AHCTF1: variants seen among roughly 807,000 people sequenced by gnomAD.
AHCTF1 encodes AT-hook containing transcription factor 1.
In AHCTF1, 24 loss-of-function variants were observed where a neutral mutation model predicts 248.4. The observed-to-expected ratio is 0.10, with a 90% confidence interval of 0.07 to 0.14. The LOEUF (loss-of-function observed/expected upper bound fraction) is 0.14, where lower values mean the gene tolerates loss of function less well. Ranked by LOEUF, AHCTF1 falls within the 10% of genes least tolerant of loss-of-function variation. The probability of loss-of-function intolerance (pLI) is 1.00; values close to 1 mark genes in which losing one functional copy is unlikely to be tolerated. For synonymous variants in AHCTF1, 786 were observed against 929.8 expected, an observed-to-expected ratio of 0.85 and a Z score of 2.81; for missense variants, 2,206 against 2,636.2, an observed-to-expected ratio of 0.84 and a Z score of 3.57.
rs562870666 is a variant in AHCTF1, at chr1:246,929,417, A to T, written c.-8+2161T>A. Among the ~76,000 whole-genome samples the T allele has an allele frequency of 2.6e-5, 4 of 151,630 alleles. No homozygotes were observed. In the South Asian group the frequency reaches 8.3e-4, roughly 32 times the overall value. On this transcript the variant is annotated intron_variant, in intron 1 of 35. Coordinates refer to ENST00000648844, the MANE Select transcript of AHCTF1 (RefSeq NM_001323342.2). ...AAGTGAGACTCCGTCTCAAAAAAATAAAAATAAAAATAAAAATACAGTGAA... is the reference window on the plus strand; with the variant it reads ...AAGTGAGACTCCGTCTCAAAAAAATTAAAATAAAAATAAAAATACAGTGAA...
At chr1:246,931,099 T>TC (rs1489081360) in intron 1 of AHCTF1, 2 of 1,547,166 alleles carry the variant, frequency 1.3e-6, no homozygotes, top group Admixed American at 4.0e-5. Context: ...GAGCCCCGAG[T>TC]CCAACTTCTT....
intron 33 of AHCTF1, among the ~76,000 whole-genome samples, chr1:246,849,349 A>G (rs1362227026): frequency 1.3e-5 from 2 of 152,360 alleles, no homozygotes; most frequent in Admixed American, 6.5e-5. Flanking sequence ...CTTATAATTT[A>G]TAAAACTCAC....
At chr1:246,909,443 G>A (rs1239293416) in intron 4 of AHCTF1, among the ~76,000 whole-genome samples, 2 of 149,420 alleles carry the variant, frequency 1.3e-5, no homozygotes, top group East Asian at 2.0e-4. Context: ...TGCTCTGAGT[G>A]GTATGATGAA....
intron 21 of AHCTF1, among the ~76,000 whole-genome samples, chr1:246,878,946 C>G (rs1663191958): frequency 6.6e-6 from 1 of 152,146 alleles, no homozygotes; most frequent in Non-Finnish European, 1.5e-5. Context: ...GAGTGTTCAT[C>G]TGCGTGTGTT....
intron 26 of AHCTF1, among the ~76,000 whole-genome samples, chr1:246,865,612 G>A (rs998085889): frequency 1.3e-5 from 2 of 152,132 alleles, no homozygotes; most frequent in African/African-American, 2.4e-5. Context: ...AAGGAACACT[G>A]TTAAATGTTT....
intron 8 of AHCTF1, among the ~76,000 whole-genome samples, chr1:246,902,171 A>C (rs1665047725): frequency 6.6e-6 from 1 of 152,206 alleles, no homozygotes; most frequent in Non-Finnish European, 1.5e-5. Flanking sequence ...ACACTAAAGA[A>C]GACAGAGAAA....
intron 24 of AHCTF1, among the ~76,000 whole-genome samples, chr1:246,870,084 G>C (rs776540344): frequency 3.0e-4 from 45 of 152,028 alleles, no homozygotes; most frequent in Non-Finnish European, 6.2e-4. Context: ...ACTTTTGAGG[G>C]CTTCAAGACT....
rs75217552 is a variant in AHCTF1, at chr1:246,920,164, A to G, written c.-7-1787T>C. On this transcript the variant is annotated intron_variant, in intron 1 of 35. Transcript: ENST00000648844. ...CCGCAAAAAAAAAAAAAAAAAAAAA[A>G]AAAAGAAAAGAAGCTCACAGTCCAA... Among the ~76,000 whole-genome samples the G allele has an allele frequency of 3.9e-3, 582 of 149,548 alleles. 9 individuals are homozygous for G. Among genetic ancestry groups the G allele is most frequent in the African/African-American group, 0.014 (545 of 40,316 alleles).
At chr1:246,867,440 T>C in intron 25 of AHCTF1, 89 bp from the exon 26 acceptor site, 2 of 1,036,148 alleles carry the variant, frequency 1.9e-6, no homozygotes, top group East Asian at 5.3e-5. Context: ...TTTTCATTCG[T>C]TTTACTTTGT....
At chr1:246,886,183 T>C (rs1287579802) in intron 20 of AHCTF1, among the ~76,000 whole-genome samples, 1 of 151,988 alleles carries the variant, frequency 6.6e-6, no homozygotes, top group Non-Finnish European at 1.5e-5. Flanking sequence ...ATGTAAAAAT[T>C]AGCCAGGTAG....
At chr1:246,882,936 C>G (rs1327065962) in intron 21 of AHCTF1, among the ~76,000 whole-genome samples, 1 of 152,206 alleles carries the variant, frequency 6.6e-6, no homozygotes, top group Non-Finnish European at 1.5e-5. Flanking sequence ...TGCCTTTGAT[C>G]CTATTTCACA....
chr1:246,901,744 G>C (rs1216856620), intron 8 of AHCTF1, among the ~76,000 whole-genome samples: 1 of 152,170 alleles, frequency 6.6e-6, no homozygotes, highest in Non-Finnish European at 1.5e-5. Flanking sequence ...GTTGAGCCCA[G>C]AAGGTCAAGG....
chr1:246,882,751 T>A (rs1212182137), intron 21 of AHCTF1, among the ~76,000 whole-genome samples: 1 of 152,220 alleles, frequency 6.6e-6, no homozygotes, highest in Non-Finnish European at 1.5e-5. Context: ...TATTTGTAAG[T>A]CTGTTGCTGT....
At chr1:246,888,128 T>C (rs1663958131) in intron 19 of AHCTF1, 49 bp downstream of exon 19, 1 of 1,583,834 alleles carries the variant, frequency 6.3e-7, no homozygotes. Flanking sequence ...TCTTGAAATT[T>C]TATAATTTTA....
At chr1:246,919,703 C>A (rs1278600344) in intron 1 of AHCTF1, among the ~76,000 whole-genome samples, 89 of 137,680 alleles carry the variant, frequency 6.5e-4, no homozygotes, top group Admixed American at 8.7e-4. Flanking sequence ...GACTCCATCT[C>A]AAAAAAAAAA....
chr1:246,877,177 G>A lies in AHCTF1; in HGVS notation c.2786C>T (p.Pro929Leu), dbSNP rs1199071516. 2.5e-6 allele frequency: 4 copies of A among 1,612,648 alleles called. No homozygotes were observed. Among genetic ancestry groups the A allele is most frequent in the African/African-American group, 1.3e-5 (1 of 74,856 alleles). The change falls in exon 22 of 36, where the codon CCA becomes CTA. Residue 929 changes from proline (P) to leucine (L), a missense_variant. Physicochemically the swap from Pro to Leu is moderately conservative, Grantham distance 98 (BLOSUM62 -3). Around this residue, in one of 6 missense-constraint regions of AHCTF1, gnomAD observed 955 missense variants for 1,055.6 expected, o/e 0.90. Transcript: ENST00000648844. ...MGLMEDLLKLPFTDTEQECLV... is the reference protein window; with the variant it reads ...MGLMEDLLKLLFTDTEQECLV... ...AATTACCTGCTCAGTGTCTGTAAATGGTAACTTCAGTAAATCTTCCATCAA... is the reference window on the plus strand; with the variant it reads ...AATTACCTGCTCAGTGTCTGTAAATAGTAACTTCAGTAAATCTTCCATCAA...
At chr1:246,904,960 T>A (rs1310895186) in intron 6 of AHCTF1, among the ~76,000 whole-genome samples, 1 of 152,180 alleles carries the variant, frequency 6.6e-6, no homozygotes, top group Non-Finnish European at 1.5e-5. Context: ...GTACTGAGAT[T>A]GAGAACAAGA....
intron 24 of AHCTF1, among the ~76,000 whole-genome samples, chr1:246,869,912 G>GATAC (rs1662451411): frequency 6.6e-6 from 1 of 152,188 alleles, no homozygotes; most frequent in South Asian, 2.1e-4. Flanking sequence ...AGCTGTCACA[G>GATAC]ATAGTGATTC....
chr1:246,853,104 G>A lies in AHCTF1; in HGVS notation c.4550C>T (p.Thr1517Ile). Residue 1517 changes from threonine (T) to isoleucine (I), a missense_variant, in exon 32 of 36, where the codon ACT (threonine) becomes ATT (isoleucine). Physicochemically the swap from Thr to Ile is moderately conservative, Grantham distance 89. Coordinates refer to ENST00000648844, the MANE Select transcript of AHCTF1 (RefSeq NM_001323342.2). ...KLPISDSPPDTQEIHVIEQEK... is the reference protein window; with the variant it reads ...KLPISDSPPDIQEIHVIEQEK... ...AATTTTTTTTACATGAATTTCTTGA[G>A]TATCAGGAGGGCTGTCAGAAATTGG... 6.2e-7 allele frequency: 1 copy of A among 1,605,842 alleles called. No homozygotes were observed. The highest frequency in any genetic ancestry group is 1.1e-5 in the South Asian group (1 of 88,930).
Sources: gnomAD v4.1 joint callset for allele counts (sites outside exome capture counted in the v4.1 genomes callset) on GRCh38, gnomAD v4.1.1 for gene constraint, gnomAD v4.1.1 regional missense constraint, MANE v1.5 for transcripts, NCBI Gene and HGNC (gene_info 2026-07-23, HGNC 2026-07-21) for gene names.